ADAMTS6: variants seen among roughly 807,000 people sequenced by gnomAD.
ADAMTS6 encodes A disintegrin and metalloproteinase with thrombospondin motifs 6.
A neutral mutation model predicts 144.3 loss-of-function variants in ADAMTS6; 23 were observed. The ratio of observed to expected loss-of-function variants is 0.16; its 90% CI spans 0.11 to 0.23. The LOEUF is 0.23. ADAMTS6 is among the 10% of genes least tolerant of loss of function. The pLI is 1.00. For missense variants in ADAMTS6, 999 were observed against 1,379.6 expected (o/e 0.72, Z 4.37); for synonymous variants, 444 against 457.5 (o/e 0.97, Z 0.38).
rs182132336 is a variant in ADAMTS6 at position 65,466,991 on chromosome 5, A to G, written c.462+3787T>C. ...CGGGAGGCGGAGCTTGCAGTGAGCC[A>G]AGATTGCGCCACTGCACCCAGCCTG... On this transcript the variant is annotated intron_variant, in intron 3 of 24. Transcript: ENST00000381055. Among the ~76,000 whole-genome samples the G allele has an allele frequency of 1.5e-3, 220 of 151,714 alleles. 1 individual carries two copies. The highest frequency in any genetic ancestry group is 2.2e-3 in the African/African-American group (92 of 41,316).
intron 7 of ADAMTS6, among the ~76,000 whole-genome samples, chr5:65,426,849 T>C (rs990979035): frequency 6.6e-6 from 1 of 151,952 alleles, no homozygotes; most frequent in African/African-American, 2.4e-5. Context: ...GCAAAACATC[T>C]AGTATTGATG....
intron 24 of ADAMTS6, among the ~76,000 whole-genome samples, chr5:65,153,642 A>T (rs940906786): frequency 6.6e-6 from 1 of 152,218 alleles, no homozygotes; most frequent in African/African-American, 2.4e-5. Context: ...AAATATCTCA[A>T]TGAGGATGCA....
intron 7 of ADAMTS6, among the ~76,000 whole-genome samples, chr5:65,398,066 G>C (rs776382259): frequency 6.6e-6 from 1 of 152,060 alleles, no homozygotes; most frequent in Admixed American, 6.5e-5. Flanking sequence ...CTTGGTAGCT[G>C]TTCCATGTGA....
Position 65,164,076 on chromosome 5 carries a change from G to A in ADAMTS6, c.3244+6541C>T, listed in dbSNP as rs534324458. ...CTCTGGTCAACAGCTCCCAGCGTGA[G>A]CGACGCAGAAGACGGGTGATTTCTG... On this transcript the variant is annotated intron_variant, in intron 24 of 24. Coordinates refer to ENST00000381055, the MANE Select transcript of ADAMTS6 (RefSeq NM_197941.4). Among the ~76,000 whole-genome samples the A allele has an allele frequency of 1.1e-3, 160 of 152,272 alleles. 1 individual carries two copies. The highest frequency in any genetic ancestry group is 3.4e-3 in the Middle Eastern group (1 of 294).
chr5:65,450,307 A>G (rs1290722120), intron 7 of ADAMTS6, among the ~76,000 whole-genome samples: 1 of 152,196 alleles, frequency 6.6e-6, no homozygotes, highest in South Asian at 2.1e-4. Context: ...TAAAGTAAGT[A>G]TAACTATTAA....
intron 10 of ADAMTS6, among the ~76,000 whole-genome samples, chr5:65,296,123 T>C (rs548139380): frequency 1.3e-5 from 2 of 152,270 alleles, no homozygotes; most frequent in African/African-American, 4.8e-5. Context: ...AAAGAAATCT[T>C]TCTATATAAC....
intron 7 of ADAMTS6, among the ~76,000 whole-genome samples, chr5:65,349,687 T>C (rs1307952422): frequency 6.6e-6 from 1 of 151,988 alleles, no homozygotes; most frequent in African/African-American, 2.4e-5. Flanking sequence ...AAACCCCATC[T>C]CCACTAAAAA....
intron 7 of ADAMTS6, among the ~76,000 whole-genome samples, chr5:65,409,299 A>G (rs1377777419): frequency 6.6e-6 from 1 of 151,750 alleles, no homozygotes; most frequent in Non-Finnish European, 1.5e-5. Flanking sequence ...TAGACGCAAT[A>G]AAAAATGATA....
Position 65,383,241 on chromosome 5 carries a change from C to T in ADAMTS6, c.1074-49156G>A, listed in dbSNP as rs567903274. 5.9e-5 allele frequency among the ~76,000 whole-genome samples: 9 copies of T among 152,102 alleles called. No homozygotes were observed. The South Asian group carries it at 1.9e-3, about 32-fold the overall frequency. Reference sequence around the variant, plus strand: ...ATGCATACATTCCATCCCAATAGTCCCAAAAGTCTTAACTCACCCTAATAT... The same window carrying T: ...ATGCATACATTCCATCCCAATAGTCTCAAAAGTCTTAACTCACCCTAATAT... On this transcript the variant is annotated intron_variant, in intron 7 of 24. Coordinates refer to ENST00000381055, the MANE Select transcript of ADAMTS6 (RefSeq NM_197941.4).
At chr5:65,246,387 C>A (rs905865574) in intron 14 of ADAMTS6, among the ~76,000 whole-genome samples, 1 of 152,142 alleles carries the variant, frequency 6.6e-6, no homozygotes, top group African/African-American at 2.4e-5. Context: ...TGCTTAATAG[C>A]TGGCAGATAT....
intron 15 of ADAMTS6, among the ~76,000 whole-genome samples, chr5:65,228,121 A>C (rs1341199533): frequency 6.6e-5 from 10 of 152,190 alleles, no homozygotes; most frequent in African/African-American, 2.4e-4. Context: ...ATTCTCATGA[A>C]TTAAATTACC....
chr5:65,285,558 T>C, intron 11 of ADAMTS6, among the ~76,000 whole-genome samples: 1 of 152,150 alleles, frequency 6.6e-6, no homozygotes, highest in East Asian at 1.9e-4. Flanking sequence ...GCACCTACCA[T>C]GAGCCAGGCA....
intron 7 of ADAMTS6, among the ~76,000 whole-genome samples, chr5:65,345,832 A>G (rs1580452078): frequency 6.6e-6 from 1 of 151,744 alleles, no homozygotes; most frequent in Non-Finnish European, 1.5e-5. Flanking sequence ...CCTAATTTAT[A>G]CCTTTAACTG....
Position 65,414,414 on chromosome 5 carries a change from C to T in ADAMTS6, c.1073+37061G>A, listed in dbSNP as rs1037621611. On this transcript the variant is annotated intron_variant, in intron 7 of 24. Coordinates refer to ENST00000381055, the MANE Select transcript of ADAMTS6 (RefSeq NM_197941.4). ...TCTTATTCCATTTAATTTTCAGACT[C>T]AGCTGGGAACTCTAAGAAGGTCAAG... Among the ~76,000 whole-genome samples the T allele has an allele frequency of 6.6e-5, 10 of 152,054 alleles. No homozygotes were observed. The South Asian group carries it at 2.1e-3, about 32-fold the overall frequency.
At chr5:65,347,915 T>A (rs765463061) in intron 7 of ADAMTS6, among the ~76,000 whole-genome samples, 9 of 152,028 alleles carry the variant, frequency 5.9e-5, no homozygotes, top group Non-Finnish European at 8.8e-5. Context: ...AAGAAACATA[T>A]GAAAGAATGT....
chr5:65,413,894 T>C (rs1755272386), intron 7 of ADAMTS6, among the ~76,000 whole-genome samples: 1 of 152,232 alleles, frequency 6.6e-6, no homozygotes, highest in East Asian at 1.9e-4. Context: ...AGACATATAC[T>C]AACTGCTAAT....
chr5:65,428,054 C>T (rs1168298047), intron 7 of ADAMTS6, among the ~76,000 whole-genome samples: 2 of 151,310 alleles, frequency 1.3e-5, no homozygotes, highest in African/African-American at 4.9e-5. Context: ...GGTGAAAGCC[C>T]GTCTCTACTA....
At chr5:65,352,004 T>C (rs1386660033) in intron 7 of ADAMTS6, among the ~76,000 whole-genome samples, 1 of 152,110 alleles carries the variant, frequency 6.6e-6, no homozygotes, top group Non-Finnish European at 1.5e-5. Flanking sequence ...CAGAAGTAAA[T>C]GTACTTAAGA....
In ADAMTS6 at chr5:65,284,591, T is replaced by C. The variant is rs140118260; in HGVS notation, c.1512+6738A>G. ...CTCTCTTGATCTTCATTTCTAATAT[T>C]AAATCCTAAAAGTCTCTTATCACTT... On this transcript the variant is annotated intron_variant, in intron 11 of 24. Transcript: ENST00000381055. Among the ~76,000 whole-genome samples, 297 of 152,190 alleles carry C rather than the reference T, an allele frequency of 2.0e-3. 1 individual carries two copies. Among genetic ancestry groups the C allele is most frequent in the African/African-American group, 6.8e-3 (283 of 41,558 alleles).
Sources: allele counts gnomAD v4.1 joint callset (sites outside exome capture counted in the v4.1 genomes callset), GRCh38; gene constraint gnomAD v4.1.1; transcripts MANE v1.5; gene names NCBI Gene and HGNC (gene_info 2026-07-23, HGNC 2026-07-21).